The following TUSC3 variants were observed in gnomAD, a reference collection of about 807,000 sequenced individuals.
The protein encoded by TUSC3 is tumor suppressor candidate 3.
TUSC3 carries 45 observed loss-of-function variants against 44.8 expected under a neutral mutation model. The observed-to-expected ratio is 1.00, with a 90% CI of 0.79 to 1.29. The LOEUF (loss-of-function observed/expected upper bound fraction) is 1.29. Among genes scored for constraint, TUSC3 ranks in the 50% most tolerant of loss-of-function variants. The pLI is 0.00. For synonymous variants in TUSC3, 212 were observed against 152.9 expected (o/e 1.39, Z -2.85); for missense variants, 519 against 437.9 (o/e 1.19, Z -1.65).
chr8:15,711,515 A>C (rs953558115), intron 6 of TUSC3, among the ~76,000 whole-genome samples: 1 of 149,556 alleles, frequency 6.7e-6, no homozygotes, highest in Admixed American at 6.7e-5. Flanking sequence ...GTGTGTATAT[A>C]TATATATTTA....
At chr8:15,767,378 G>T (rs757050609), downstream of TUSC3, among the ~76,000 whole-genome samples, 2 of 150,984 alleles carry the variant, frequency 1.3e-5, no homozygotes, top group Non-Finnish European at 2.9e-5. Flanking sequence ...ATGCATAGAT[G>T]TCAGGAAAAA....
the TUSC3 span, among the ~76,000 whole-genome samples, chr8:15,831,865 A>T: frequency 6.6e-6 from 1 of 152,144 alleles, no homozygotes; most frequent in African/African-American, 2.4e-5. Context: ...CTTGGAAAAC[A>T]TACTGCAGGA....
chr8:15,843,615 T>TAC, the TUSC3 span, among the ~76,000 whole-genome samples: 413 of 143,140 alleles, frequency 2.9e-3, 13 homozygotes, highest in East Asian at 0.074. Context: ...TATATATATA[T>TAC]ATATATACAC....
At chr8:15,584,526 G>A (rs772802108) in intron 1 of TUSC3, among the ~76,000 whole-genome samples, 1 of 152,166 alleles carries the variant, frequency 6.6e-6, no homozygotes, top group South Asian at 2.1e-4. Flanking sequence ...AAACTAACAA[G>A]AGCAATATAA....
At chr8:15,560,372 C>T (rs987206985) in intron 1 of TUSC3, among the ~76,000 whole-genome samples, 9 of 139,010 alleles carry the variant, frequency 6.5e-5, no homozygotes, top group Admixed American at 4.3e-4. Flanking sequence ...CTGAGAGATC[C>T]GCTGTTAGTC....
intron 1 of TUSC3, among the ~76,000 whole-genome samples, chr8:15,421,474 C>A (rs1799736571): frequency 6.6e-6 from 1 of 152,186 alleles, no homozygotes; most frequent in Non-Finnish European, 1.5e-5. Context: ...GCAACACCAT[C>A]TTATTAAAGA....
chr8:15,518,387 T>G (rs1801250271), intron 2 of TUSC3, among the ~76,000 whole-genome samples: 1 of 152,120 alleles, frequency 6.6e-6, no homozygotes, highest in African/African-American at 2.4e-5. Context: ...GAATATTAAA[T>G]GGAAAATAGA....
the TUSC3 span, among the ~76,000 whole-genome samples, chr8:15,840,066 T>G: frequency 2.6e-5 from 4 of 152,308 alleles, no homozygotes; most frequent in Non-Finnish European, 5.9e-5. Context: ...GATGAGTTCA[T>G]GTCCTTTGTA....
the TUSC3 span, among the ~76,000 whole-genome samples, chr8:15,851,326 G>T: frequency 1.3e-5 from 2 of 152,044 alleles, no homozygotes; most frequent in African/African-American, 4.8e-5. Flanking sequence ...TGGTCTTAAG[G>T]ATCTTACATT....
chr8:15,553,020 G>C (rs1203398696), intron 1 of TUSC3, among the ~76,000 whole-genome samples: 1 of 151,612 alleles, frequency 6.6e-6, no homozygotes, highest in African/African-American at 2.4e-5. Flanking sequence ...TGAGAGAAAA[G>C]GAGACAAGGG....
chr8:15,561,926 C>A (rs551523903), intron 1 of TUSC3, among the ~76,000 whole-genome samples: 6 of 152,308 alleles, frequency 3.9e-5, no homozygotes, highest in African/African-American at 1.4e-4. Flanking sequence ...GTGAGATGAA[C>A]CCGGTACCTC....
In TUSC3 at chr8:15,495,292, G is replaced by A. The variant is rs142216303; in HGVS notation, n.189+11809G>A. On this transcript the variant is annotated intron_variant and non_coding_transcript_variant, in intron 2 of 5. Transcript: ENST00000503191. ...GCTGGAGTAGAAAGGAGCAGTTTCA[G>A]AGGCTTCTACTTTGTCTCCCCAAAT... 2.4e-3 allele frequency among the ~76,000 whole-genome samples: 368 copies of A among 152,258 alleles called. 4 individuals are homozygous for A. Among genetic ancestry groups the A allele is most frequent in the African/African-American group, 8.3e-3 (346 of 41,560 alleles).
intron 1 of TUSC3, among the ~76,000 whole-genome samples, chr8:15,420,458 A>G (rs1034583295): frequency 4.6e-5 from 7 of 152,040 alleles, no homozygotes; most frequent in Admixed American, 4.6e-4. Flanking sequence ...AGATCATGCC[A>G]CTGCACTCCA....
rs935313204 is a variant in TUSC3, at chr8:15,736,445, C to G, written c.862+5716C>G. Among the ~76,000 whole-genome samples the G allele has an allele frequency of 2.0e-5, 3 of 151,314 alleles. No individual in the cohort carries two copies. In the South Asian group the frequency reaches 6.3e-4, roughly 32 times the overall value. On this transcript the variant is annotated intron_variant, in intron 7 of 10. Transcript: ENST00000503731. The stretch of plus-strand genomic sequence containing the variant: ...TGTTTAAAACTCTTTATATAATTTC[C>G]CAGAGTAGAGAATTTGAACTGTGGT...
At chr8:15,846,171 A>G in the TUSC3 span, among the ~76,000 whole-genome samples, 3 of 152,136 alleles carry the variant, frequency 2.0e-5, no homozygotes, top group African/African-American at 7.2e-5. Context: ...TGAGATTTGA[A>G]TGGGGACACA....
At chr8:15,513,491 T>G (rs2129128430) in intron 2 of TUSC3, among the ~76,000 whole-genome samples, 1 of 152,272 alleles carries the variant, frequency 6.6e-6, no homozygotes, top group South Asian at 2.1e-4. Flanking sequence ...TATTCAAAGT[T>G]TTCAGGAACT....
chr8:15,663,231 A>C (rs1402755984), intron 5 of TUSC3, among the ~76,000 whole-genome samples: 2 of 151,874 alleles, frequency 1.3e-5, no homozygotes, highest in African/African-American at 4.8e-5. Context: ...TTGAGACTAG[A>C]TACATATACA....
chr8:15,683,932 T>A (rs1808520483), intron 6 of TUSC3, among the ~76,000 whole-genome samples: 1 of 152,148 alleles, frequency 6.6e-6, no homozygotes, highest in South Asian at 2.1e-4. Context: ...TGTAAATAGG[T>A]TCCTGTGGTG....
chr8:15,611,737 G>A (rs925566204), intron 1 of TUSC3, among the ~76,000 whole-genome samples: 3 of 152,128 alleles, frequency 2.0e-5, no homozygotes, highest in African/African-American at 7.2e-5. Context: ...TGAACTATCA[G>A]TTTGTAATGT....
Sources: gnomAD v4.1 joint callset for allele counts (sites outside exome capture counted in the v4.1 genomes callset) on GRCh38, gnomAD v4.1.1 for gene constraint, MANE v1.5 for transcripts, NCBI Gene and HGNC (gene_info 2026-07-23, HGNC 2026-07-21) for gene names.